The following DLGAP2 variants were observed in gnomAD, a reference collection of about 807,000 sequenced individuals.
DLGAP2 encodes disks large-associated protein 2.
DLGAP2 carries 26 observed loss-of-function variants against 100.3 expected under a neutral mutation model. The ratio of observed to expected loss-of-function variants is 0.26; its 90% confidence interval spans 0.19 to 0.36. DLGAP2 has a LOEUF of 0.36. Ranked by LOEUF, DLGAP2 falls within the 10% of genes least tolerant of loss-of-function variation. DLGAP2 has a pLI of 1.00. For synonymous variants in DLGAP2, 886 were observed against 630.1 expected (o/e 1.41, Z -6.08); for missense variants, 1,858 against 1,453.2 (o/e 1.28, Z -4.53).
chr8:1,636,201 A>G (rs1209906325), intron 8 of DLGAP2, among the ~76,000 whole-genome samples: 1 of 152,170 alleles, frequency 6.6e-6, no homozygotes, highest in Non-Finnish European at 1.5e-5. Flanking sequence ...TAGGGAGGGA[A>G]TATTATTGAT....
At chr8:1,289,671 C>T (rs1239536563) in intron 3 of DLGAP2, among the ~76,000 whole-genome samples, 1 of 152,172 alleles carries the variant, frequency 6.6e-6, no homozygotes, top group African/African-American at 2.4e-5. Context: ...GATGGTGAAG[C>T]CTCCACTGTG....
intron 2 of DLGAP2, among the ~76,000 whole-genome samples, chr8:1,042,388 A>G (rs1802379080): frequency 6.6e-6 from 1 of 152,250 alleles, no homozygotes; most frequent in African/African-American, 2.4e-5. Context: ...TGTTAGACGC[A>G]GAGGTGGCTT....
intron 6 of DLGAP2, among the ~76,000 whole-genome samples, chr8:1,583,931 C>T (rs1796031727): frequency 6.6e-6 from 1 of 152,070 alleles, no homozygotes; most frequent in Non-Finnish European, 1.5e-5. Flanking sequence ...TCACCGTCTC[C>T]TCCTTGCTGC....
At chr8:796,865 G>T (rs574104513) in intron 1 of DLGAP2, among the ~76,000 whole-genome samples, 1 of 152,078 alleles carries the variant, frequency 6.6e-6, no homozygotes, top group African/African-American at 2.4e-5. Flanking sequence ...CTTTCCCTTA[G>T]TGCAGCCCCC....
chr8:817,286 C>CT (rs1030065735), intron 1 of DLGAP2, among the ~76,000 whole-genome samples: 3 of 152,136 alleles, frequency 2.0e-5, no homozygotes, highest in African/African-American at 7.2e-5. Flanking sequence ...TTGCATTTCT[C>CT]TAAGTTTGAA....
chr8:1,152,477 T>C (rs1368471878), intron 2 of DLGAP2, among the ~76,000 whole-genome samples: 1 of 152,236 alleles, frequency 6.6e-6, no homozygotes, highest in East Asian at 1.9e-4. Flanking sequence ...TTCCTTCAGT[T>C]ATCTGGTCAT....
intron 8 of DLGAP2, among the ~76,000 whole-genome samples, chr8:1,635,128 C>T (rs1273981581): frequency 6.6e-6 from 1 of 152,152 alleles, no homozygotes; most frequent in Non-Finnish European, 1.5e-5. Flanking sequence ...AATCATTAAC[C>T]TCTGCTGTTT....
chr8:1,485,657 G>T (rs1339827638), intron 3 of DLGAP2, among the ~76,000 whole-genome samples: 1 of 152,186 alleles, frequency 6.6e-6, no homozygotes, highest in Non-Finnish European at 1.5e-5. Flanking sequence ...AGACAGGTGT[G>T]GTCTGAAGCG....
chr8:1,455,760 C>T (rs1219408807), intron 3 of DLGAP2, among the ~76,000 whole-genome samples: 1 of 152,214 alleles, frequency 6.6e-6, no homozygotes, highest in Non-Finnish European at 1.5e-5. Flanking sequence ...CTGACCCTCA[C>T]CCCAGCTGCA....
At chr8:1,194,037 G>T (rs576218356) in intron 2 of DLGAP2, among the ~76,000 whole-genome samples, 10 of 152,106 alleles carry the variant, frequency 6.6e-5, no homozygotes, top group Non-Finnish European at 1.5e-4. Flanking sequence ...CCAAATCCAC[G>T]TACTGTGACA....
At chr8:1,411,209 T>C (rs988032244) in intron 3 of DLGAP2, among the ~76,000 whole-genome samples, 15 of 152,150 alleles carry the variant, frequency 9.9e-5, no homozygotes, top group Non-Finnish European at 1.8e-4. Context: ...TTGCAATAAT[T>C]TGGTCTGAAA....
At chr8:1,051,363 T>C (rs1802706139) in intron 2 of DLGAP2, among the ~76,000 whole-genome samples, 3 of 152,118 alleles carry the variant, frequency 2.0e-5, no homozygotes, top group South Asian at 2.1e-4. Flanking sequence ...CCATACAAGA[T>C]CGTTTTACCC....
chr8:900,730 G>A (rs572304260), intron 1 of DLGAP2, among the ~76,000 whole-genome samples: 10 of 152,306 alleles, frequency 6.6e-5, no homozygotes, highest in South Asian at 2.1e-4. Flanking sequence ...GAGAAATTCC[G>A]GGGAGGTTAA....
At chr8:1,696,582 G>A (rs1457954915) in intron 13 of DLGAP2, among the ~76,000 whole-genome samples, 3 of 152,216 alleles carry the variant, frequency 2.0e-5, no homozygotes, top group African/African-American at 7.2e-5. Context: ...ACGTCTCTGG[G>A]CCACTCGGCC....
intron 3 of DLGAP2, among the ~76,000 whole-genome samples, chr8:1,377,576 A>G (rs968149054): frequency 2.6e-5 from 4 of 152,190 alleles, no homozygotes; most frequent in African/African-American, 4.8e-5. Context: ...AAAGATGCAC[A>G]GGTCTTCATA....
At chr8:843,055 C>T (rs1220812995) in intron 1 of DLGAP2, among the ~76,000 whole-genome samples, 3 of 152,158 alleles carry the variant, frequency 2.0e-5, no homozygotes, top group Non-Finnish European at 2.9e-5. Flanking sequence ...TGTGTGCAGG[C>T]AGGGGTGTTA....
intron 6 of DLGAP2, among the ~76,000 whole-genome samples, chr8:1,598,862 C>T (rs1017792851): frequency 2.0e-5 from 3 of 152,034 alleles, no homozygotes; most frequent in Non-Finnish European, 4.4e-5. Context: ...ATGTCTCTAT[C>T]TCCTTCAGTT....
At chr8:1,329,061 C>T (rs1441614875) in intron 3 of DLGAP2, among the ~76,000 whole-genome samples, 1 of 152,114 alleles carries the variant, frequency 6.6e-6, no homozygotes, top group Admixed American at 6.5e-5. Context: ...CTTGGCTAAA[C>T]TGCGACAGGC....
chr8:1,584,747 C>T (rs1367993413), intron 6 of DLGAP2, among the ~76,000 whole-genome samples: 1 of 152,120 alleles, frequency 6.6e-6, no homozygotes, highest in African/African-American at 2.4e-5. Context: ...AGCAGCTCAC[C>T]CCACACCCGG....
Sources: allele counts gnomAD v4.1 joint callset (sites outside exome capture counted in the v4.1 genomes callset), GRCh38; gene constraint gnomAD v4.1.1; transcripts MANE v1.5; gene names NCBI Gene and HGNC (gene_info 2026-07-23, HGNC 2026-07-21).